The following SNTG2 variants were observed in gnomAD, a reference collection of about 807,000 sequenced individuals.
SNTG2 encodes the protein gamma-2-syntrophin.
In SNTG2, 74 loss-of-function variants were observed where a neutral mutation model predicts 70.9. The ratio of observed to expected loss-of-function variants is 1.04; its 90% CI spans 0.86 to 1.27. The LOEUF (loss-of-function observed/expected upper bound fraction) is 1.27, where lower values mean the gene tolerates loss of function less well. Ranked by LOEUF, SNTG2 falls within the 50% of genes most tolerant of loss-of-function variation. The probability of loss-of-function intolerance (pLI) is 0.00; values close to 1 mark genes in which losing one functional copy is unlikely to be tolerated. For missense variants in SNTG2, 717 were observed against 690.7 expected (o/e 1.04, Z -0.43); for synonymous variants, 278 against 273.8 (o/e 1.02, Z -0.15).
chr2:1,116,941 CCCTGGCGTGTGGGTG>C (rs1356706302), intron 4 of SNTG2, among the ~76,000 whole-genome samples: 104 of 137,616 alleles, frequency 7.6e-4, no homozygotes, highest in Admixed American at 2.6e-3. Flanking sequence ...CGTGTGGGTG[CCCTGGCGTGTGGGTG>C]CCTGGCGTGT....
At chr2:1,204,170 G>A (rs1473202641) in intron 8 of SNTG2, among the ~76,000 whole-genome samples, 1 of 152,170 alleles carries the variant, frequency 6.6e-6, no homozygotes, top group African/African-American at 2.4e-5. Context: ...AGTATCATGG[G>A]GGTAGGTGTT....
chr2:1,112,535 C>G (rs4971452), intron 4 of SNTG2, among the ~76,000 whole-genome samples: 74,522 of 142,988 alleles, frequency 0.52, 19,134 homozygotes, highest in East Asian at 0.6. Context: ...ACAGTCCTTT[C>G]AGAAAGATCG....
chr2:1,252,051 G>A (rs1677803988), intron 12 of SNTG2, among the ~76,000 whole-genome samples: 1 of 152,192 alleles, frequency 6.6e-6, no homozygotes, highest in Non-Finnish European at 1.5e-5. Context: ...GACAAGAACT[G>A]GGTAGCCATA....
At chr2:1,310,718 G>A (rs143668534) in intron 15 of SNTG2, among the ~76,000 whole-genome samples, 24 of 152,194 alleles carry the variant, frequency 1.6e-4, no homozygotes, top group Middle Eastern at 3.4e-3. Context: ...TTTCCCTGGC[G>A]TGGTCAATGC....
intron 6 of SNTG2, among the ~76,000 whole-genome samples, chr2:1,152,739 C>T (rs745510208): frequency 4.6e-5 from 7 of 152,138 alleles, no homozygotes; most frequent in Non-Finnish European, 8.8e-5. Flanking sequence ...AGAAATCTCA[C>T]GTTTTGATCT....
At chr2:1,293,713 A>G (rs1680083105) in intron 14 of SNTG2, among the ~76,000 whole-genome samples, 1 of 152,158 alleles carries the variant, frequency 6.6e-6, no homozygotes, top group Non-Finnish European at 1.5e-5. Context: ...AAAAAAAGAT[A>G]ATTGATAGAA....
intron 1 of SNTG2, among the ~76,000 whole-genome samples, chr2:1,024,049 T>C (rs1660342232): frequency 6.6e-6 from 1 of 152,164 alleles, no homozygotes; most frequent in African/African-American, 2.4e-5. Context: ...TGTGATTCTG[T>C]GGCAACAACA....
chr2:998,358 T>C lies in SNTG2; in HGVS notation c.72+47290T>C, dbSNP rs1308460691. ...AAACTATTGATTCTAGAGAAACTTG[T>C]TGAGTTTCAAGAGAAAGTTGAAAAA... is the stretch of plus-strand genomic sequence containing the variant. On this transcript the variant is annotated intron_variant, in intron 1 of 16. Coordinates refer to ENST00000308624, the MANE Select transcript of SNTG2 (RefSeq NM_018968.4). 3.3e-5 allele frequency among the ~76,000 whole-genome samples: 5 copies of C among 151,922 alleles called. No homozygotes were observed. The East Asian group carries it at 7.7e-4, about 24-fold the overall frequency.
chr2:1,116,664 G>A (rs1242547579), intron 4 of SNTG2, among the ~76,000 whole-genome samples: 1 of 149,746 alleles, frequency 6.7e-6, no homozygotes, highest in Non-Finnish European at 1.5e-5. Flanking sequence ...CCTGGTGTGT[G>A]GGTGCTCTGG....
chr2:1,184,582 G>C (rs1558504991), intron 8 of SNTG2, among the ~76,000 whole-genome samples: 1 of 152,156 alleles, frequency 6.6e-6, no homozygotes, highest in Non-Finnish European at 1.5e-5. Flanking sequence ...AGAAAGTGAA[G>C]AGGAAGCAGG....
At chr2:1,165,063 C>T (rs1216340085) in intron 6 of SNTG2, among the ~76,000 whole-genome samples, 2 of 152,178 alleles carry the variant, frequency 1.3e-5, no homozygotes, top group Non-Finnish European at 2.9e-5. Context: ...ATTTGAAACT[C>T]CAGCACAGAG....
intron 1 of SNTG2, among the ~76,000 whole-genome samples, chr2:981,927 CTCACATGCACAT>C (rs2147967717): frequency 1.3e-5 from 2 of 152,310 alleles, no homozygotes; most frequent in South Asian, 4.2e-4. Flanking sequence ...CAGATGCACA[CTCACATGCACAT>C]GAACACACAT....
At chr2:990,190 G>T (rs1247326726) in intron 1 of SNTG2, among the ~76,000 whole-genome samples, 1 of 152,232 alleles carries the variant, frequency 6.6e-6, no homozygotes, top group African/African-American at 2.4e-5. Flanking sequence ...CAGAGGGGCT[G>T]GACGTCCATG....
chr2:981,163 T>C (rs1027644225), intron 1 of SNTG2, among the ~76,000 whole-genome samples: 4 of 152,150 alleles, frequency 2.6e-5, no homozygotes, highest in Non-Finnish European at 5.9e-5. Context: ...ATGATCAAGG[T>C]GTTTGTATCT....
At chr2:1,079,558 T>G (rs1437034871) in intron 1 of SNTG2, among the ~76,000 whole-genome samples, 1 of 152,230 alleles carries the variant, frequency 6.6e-6, no homozygotes, top group Admixed American at 6.5e-5. Flanking sequence ...ATTAGAGGTC[T>G]TTGTTGAATC....
chr2:1,027,395 C>T (rs1383362920), intron 1 of SNTG2, among the ~76,000 whole-genome samples: 7 of 151,666 alleles, frequency 4.6e-5, no homozygotes, highest in Non-Finnish European at 7.4e-5. Flanking sequence ...GTAACTCATG[C>T]ATCTCTGTTG....
chr2:1,024,766 T>C (rs1404374913), intron 1 of SNTG2, among the ~76,000 whole-genome samples: 1 of 152,102 alleles, frequency 6.6e-6, no homozygotes, highest in Non-Finnish European at 1.5e-5. Flanking sequence ...AAAAATAAAG[T>C]AATAAAGCAG....
At chr2:1,033,748 A>G (rs973984446) in intron 1 of SNTG2, among the ~76,000 whole-genome samples, 2 of 152,128 alleles carry the variant, frequency 1.3e-5, no homozygotes, top group African/African-American at 2.4e-5. Flanking sequence ...CATACCCAAG[A>G]TTGAGATTAC....
chr2:1,169,324 C>T (rs1670967027), intron 7 of SNTG2, among the ~76,000 whole-genome samples: 1 of 152,088 alleles, frequency 6.6e-6, no homozygotes, highest in Non-Finnish European at 1.5e-5. Context: ...AGGACACTCA[C>T]CCTGGGGCCG....
Sources: allele counts gnomAD v4.1 joint callset (sites outside exome capture counted in the v4.1 genomes callset), GRCh38; gene constraint gnomAD v4.1.1; transcripts MANE v1.5; gene names NCBI Gene and HGNC (gene_info 2026-07-23, HGNC 2026-07-21).